Variants in COG5 observed in about 807,000 individuals in gnomAD.
COG5 encodes the protein conserved oligomeric Golgi complex subunit 5.
In COG5, 86 loss-of-function variants were observed where a neutral mutation model predicts 110.4. The ratio of observed to expected loss-of-function variants is 0.78; its 90% confidence interval spans 0.65 to 0.93. The LOEUF is 0.93. Among genes scored for constraint, COG5 ranks in the 40% least tolerant of loss-of-function variants. The pLI is 0.00. For synonymous variants in COG5, 360 were observed against 334.6 expected (o/e 1.08, Z -0.83); for missense variants, 1,077 against 987.0 (o/e 1.09, Z -1.22).
rs375237727 is a variant in COG5, at chr7:107,548,129, T to A, written c.399A>T (p.Ala133=). 16 of 1,613,788 alleles carry A rather than the reference T, an allele frequency of 9.9e-6. No homozygotes were observed. The African/African-American group carries it at 2.1e-4, about 22-fold the overall frequency. The change falls in exon 5 of 22, where the codon GCA becomes GCT. Residue 133 remains alanine, a synonymous_variant. Transcript: ENST00000297135. ...AAACTACCTGAAGTCTTGCTAGTTG[T>A]GCAGTCCGGGCAACTATCTTATTGT... The part of the protein sequence containing the change: ...EPYNKIVART[A]QLARLQVACD...
chr7:107,537,113 T>C (rs899214462), intron 5 of COG5, among the ~76,000 whole-genome samples: 16 of 152,226 alleles, frequency 1.1e-4, no homozygotes, highest in African/African-American at 3.4e-4. Context: ...TTATACACTT[T>C]ACACTGTTGG....
At chr7:107,251,109 T>TA (rs1442422747) in intron 16 of COG5, among the ~76,000 whole-genome samples, 1 of 18,042 alleles carries the variant, frequency 5.5e-5, no homozygotes, top group African/African-American at 2.1e-4. Context: ...AAACCAAAGA[T>TA]AAACAGAAAA....
intron 8 of COG5, among the ~76,000 whole-genome samples, chr7:107,365,363 C>A (rs894775112): frequency 1.3e-5 from 2 of 151,874 alleles, no homozygotes; most frequent in East Asian, 3.9e-4. Context: ...TTCAAAGACA[C>A]AAACAATCAA....
chr7:107,487,992 T>C (rs1009972546), intron 6 of COG5, among the ~76,000 whole-genome samples: 4 of 152,130 alleles, frequency 2.6e-5, no homozygotes, highest in Admixed American at 2.6e-4. Flanking sequence ...GCAATCAACA[T>C]ATGCCTCAAT....
chr7:107,260,415 G>A (rs1803240739), intron 14 of COG5, among the ~76,000 whole-genome samples: 1 of 152,158 alleles, frequency 6.6e-6, no homozygotes, highest in Non-Finnish European at 1.5e-5. Context: ...CAGTGGGGCA[G>A]TGGGGTATAT....
intron 19 of COG5, among the ~76,000 whole-genome samples, chr7:107,222,639 A>C (rs1403516372): frequency 6.6e-6 from 1 of 152,228 alleles, no homozygotes; most frequent in African/African-American, 2.4e-5. Flanking sequence ...TGTTTTAAGA[A>C]GCTGAAAGAA....
chr7:107,456,497 T>C (rs1365457556), intron 6 of COG5, among the ~76,000 whole-genome samples: 1 of 152,204 alleles, frequency 6.6e-6, no homozygotes, highest in Non-Finnish European at 1.5e-5. Flanking sequence ...CGGCTAAATA[T>C]ACTTTCCCCT....
rs188866307 is a variant in COG5, at chr7:107,308,451, T to C, written c.1109-10105A>G. The stretch of plus-strand genomic sequence containing the variant: ...TCATTTCTAACAGGACTACTGCATA[T>C]GTAGTGACTGAATTTTCTGAAGTGT... On this transcript the variant is annotated intron_variant, in intron 11 of 21. Coordinates refer to ENST00000297135, the MANE Select transcript of COG5 (RefSeq NM_006348.5). Among the ~76,000 whole-genome samples the C allele has an allele frequency of 1.4e-3, 212 of 152,308 alleles. 1 individual carries two copies. Among genetic ancestry groups the C allele is most frequent in the African/African-American group, 4.7e-3 (194 of 41,570 alleles).
intron 6 of COG5, among the ~76,000 whole-genome samples, chr7:107,509,670 G>A (rs1225692217): frequency 6.6e-6 from 1 of 152,160 alleles, no homozygotes; most frequent in Admixed American, 6.5e-5. Context: ...TACCCACAAA[G>A]GGAAGCCCAT....
chr7:107,298,867 A>G (rs1023260170), intron 11 of COG5, among the ~76,000 whole-genome samples: 2 of 152,218 alleles, frequency 1.3e-5, no homozygotes, highest in African/African-American at 2.4e-5. Flanking sequence ...TTAGATTAGA[A>G]ATCAGTAACA....
chr7:107,352,600 T>C (rs1812260441), intron 10 of COG5, among the ~76,000 whole-genome samples: 1 of 152,126 alleles, frequency 6.6e-6, no homozygotes, highest in Admixed American at 6.5e-5. Flanking sequence ...AAGTTGAACA[T>C]TTATCTCATA....
At chr7:107,241,572 C>T (rs1801637416) in intron 17 of COG5, among the ~76,000 whole-genome samples, 1 of 151,864 alleles carries the variant, frequency 6.6e-6, no homozygotes, top group African/African-American at 2.4e-5. Context: ...CCGCCTCAGC[C>T]TCCGGAGTAG....
rs1805147503 is a variant in COG5, at chr7:107,281,336, C to G, written c.1539G>C (p.Lys513Asn). ...LTLAVSKNVA[K>N]TIQLYSVKSE... ...ATTTTACACTGTATAACTGGATGGTCTTTGCCACATTTTTTGACACAGCTA... is the reference window on the plus strand; with the variant it reads ...ATTTTACACTGTATAACTGGATGGTGTTTGCCACATTTTTTGACACAGCTA... Residue 513 changes from lysine to asparagine, a missense_variant, in exon 14 of 22, where the codon AAG becomes AAC. Physicochemically the swap from Lys to Asn is moderately conservative, Grantham distance 94 (BLOSUM62 0). Coordinates refer to ENST00000297135, the MANE Select transcript of COG5 (RefSeq NM_006348.5). 2 of 1,613,424 alleles carry G rather than the reference C, an allele frequency of 1.2e-6. No individual in the cohort carries two copies. Among genetic ancestry groups the G allele is most frequent in the East Asian group, 4.5e-5 (2 of 44,768 alleles).
intron 19 of COG5, among the ~76,000 whole-genome samples, chr7:107,228,708 A>G (rs536931706): frequency 6.6e-6 from 1 of 152,190 alleles, no homozygotes; most frequent in South Asian, 2.1e-4. Flanking sequence ...CCTAAAACTC[A>G]TCTCTGTACA....
At chr7:107,459,896 T>C (rs1795885283) in intron 6 of COG5, among the ~76,000 whole-genome samples, 1 of 151,950 alleles carries the variant, frequency 6.6e-6, no homozygotes, top group African/African-American at 2.4e-5. Context: ...TTGACATTTA[T>C]AGAACACTAC....
At chr7:107,297,404 C>A (rs1347710290) in intron 12 of COG5, among the ~76,000 whole-genome samples, 1 of 149,932 alleles carries the variant, frequency 6.7e-6, no homozygotes, top group Non-Finnish European at 1.5e-5. Context: ...GTCCTGGAAC[C>A]AATCCCCTAC....
chr7:107,563,887 C>A lies in COG5; in HGVS notation c.10G>T (p.Gly4Cys). 6.2e-7 allele frequency: 1 copy of A among 1,613,808 alleles called. No homozygotes were observed. Among genetic ancestry groups the A allele is most frequent in the Non-Finnish European group, 8.5e-7 (1 of 1,179,970 alleles). ...CCAGCTACAGCGACGCTGCCGCCGC[C>A]ACCTTCCATGTTGGCAGGTGCCGGG... The part of the protein sequence containing the change: MEG[G>C]GGSVAVAGLG... Residue 4 changes from glycine (G) to cysteine (C), a missense_variant, in exon 1 of 22, where the codon GGC becomes TGC. Gly to Cys is a radical substitution (Grantham distance 159, BLOSUM62 -3). Transcript: ENST00000297135.
chr7:107,243,556 C>T (rs1043301675), intron 17 of COG5, among the ~76,000 whole-genome samples: 1 of 151,306 alleles, frequency 6.6e-6, no homozygotes, highest in African/African-American at 2.4e-5. Context: ...TCAAAGACTC[C>T]CACACAATAA....
chr7:107,223,422 A>G (rs1584538939), intron 19 of COG5, among the ~76,000 whole-genome samples: 1 of 152,324 alleles, frequency 6.6e-6, no homozygotes, highest in South Asian at 2.1e-4. Context: ...AGAGGTTAAA[A>G]ATGTCCCTGT....
Sources: allele counts gnomAD v4.1 joint callset (sites outside exome capture counted in the v4.1 genomes callset), GRCh38; gene constraint gnomAD v4.1.1; transcripts MANE v1.5; gene names NCBI Gene and HGNC (gene_info 2026-07-23, HGNC 2026-07-21).